The following ZNF804B variants were observed in gnomAD, a reference collection of about 807,000 sequenced individuals.
The protein encoded by ZNF804B is zinc finger 804B.
ZNF804B carries 80 observed loss-of-function variants against 101.4 expected under a neutral mutation model. That is an observed-to-expected ratio of 0.79 (90% confidence interval 0.66 to 0.95). The LOEUF (loss-of-function observed/expected upper bound fraction) is 0.95. Among genes scored for constraint, ZNF804B ranks in the 40% least tolerant of loss-of-function variants. The probability of loss-of-function intolerance (pLI) is 0.00; values close to 1 mark genes in which losing one functional copy is unlikely to be tolerated. For missense variants in ZNF804B, 1,673 were observed against 1,561.9 expected (o/e 1.07, Z -1.20); for synonymous variants, 622 against 558.8 (o/e 1.11, Z -1.59).
At chr7:88,802,142 C>G (rs1332419768) in intron 1 of ZNF804B, among the ~76,000 whole-genome samples, 1 of 152,104 alleles carries the variant, frequency 6.6e-6, no homozygotes, top group Non-Finnish European at 1.5e-5. Flanking sequence ...GCTCCTTGTT[C>G]TGCTTCACCT....
chr7:89,312,112 C>A (rs1201834661), intron 2 of ZNF804B, among the ~76,000 whole-genome samples: 2 of 152,112 alleles, frequency 1.3e-5, no homozygotes, highest in Admixed American at 6.6e-5. Flanking sequence ...CAACACCTTA[C>A]CATATGCCAC....
intron 1 of ZNF804B, among the ~76,000 whole-genome samples, chr7:89,078,648 T>G (rs995108149): frequency 6.6e-6 from 1 of 151,874 alleles, no homozygotes; most frequent in Non-Finnish European, 1.5e-5. Flanking sequence ...CGATTTTTTT[T>G]TTTTTTTGCA....
Position 89,315,722 on chromosome 7 carries a change from C to G in ZNF804B, c.250-11622C>G, listed in dbSNP as rs190463239. ...AAAGTATCTGAATAGACACATGGCT[C>G]TAAATACACACACACACAAACACAC... is the stretch of plus-strand genomic sequence containing the variant. On this transcript the variant is annotated intron_variant, in intron 2 of 3. Coordinates refer to ENST00000333190, the MANE Select transcript of ZNF804B (RefSeq NM_181646.5). Among the ~76,000 whole-genome samples, 7 of 151,854 alleles carry G rather than the reference C, an allele frequency of 4.6e-5. No homozygotes were observed. In the South Asian group the frequency reaches 8.3e-4, roughly 18 times the overall value.
intron 1 of ZNF804B, among the ~76,000 whole-genome samples, chr7:88,771,196 C>T (rs1484499728): frequency 1.3e-5 from 2 of 151,942 alleles, no homozygotes; most frequent in East Asian, 3.9e-4. Flanking sequence ...GTTTTTTACT[C>T]TTCTGCTTAC....
chr7:88,814,528 A>G (rs934608273), intron 1 of ZNF804B, among the ~76,000 whole-genome samples: 7 of 151,896 alleles, frequency 4.6e-5, no homozygotes, highest in African/African-American at 1.7e-4. Flanking sequence ...TTCTACTCAT[A>G]TACTCATAGA....
At chr7:88,773,569 C>T (rs1425631919) in intron 1 of ZNF804B, among the ~76,000 whole-genome samples, 1 of 152,100 alleles carries the variant, frequency 6.6e-6, no homozygotes, top group Non-Finnish European at 1.5e-5. Flanking sequence ...TGGGAAGTAA[C>T]ACTACTTGGA....
chr7:89,016,297 C>T lies in ZNF804B; in HGVS notation c.109-201858C>T, dbSNP rs1183447386. Reference sequence around the variant, plus strand: ...TCCCATTTTGTAGGTTGCCTGTTCACTCTGCTGGTAGTTTCTTTTGCTGTG... The same window carrying T: ...TCCCATTTTGTAGGTTGCCTGTTCATTCTGCTGGTAGTTTCTTTTGCTGTG... On this transcript the variant is annotated intron_variant, in intron 1 of 3. Transcript: ENST00000333190. Among the ~76,000 whole-genome samples, 5 of 152,068 alleles carry T rather than the reference C, an allele frequency of 3.3e-5. No individual in the cohort carries two copies. In the East Asian group the frequency reaches 5.8e-4, roughly 18 times the overall value.
At chr7:89,051,193 T>G (rs1789199495) in intron 1 of ZNF804B, among the ~76,000 whole-genome samples, 1 of 152,072 alleles carries the variant, frequency 6.6e-6, no homozygotes, top group Non-Finnish European at 1.5e-5. Flanking sequence ...TGTAGGTGTG[T>G]GTGCATGTAT....
At chr7:88,772,594 A>T (rs951139057) in intron 1 of ZNF804B, among the ~76,000 whole-genome samples, 1 of 152,224 alleles carries the variant, frequency 6.6e-6, no homozygotes, top group Admixed American at 6.5e-5. Context: ...GGAATACAAC[A>T]TGTGATCTGA....
chr7:88,930,584 C>A (rs1043705287), intron 1 of ZNF804B, among the ~76,000 whole-genome samples: 3 of 151,884 alleles, frequency 2.0e-5, no homozygotes, highest in African/African-American at 4.8e-5. Flanking sequence ...ATATATTGAA[C>A]TTTCATTACC....
At chr7:89,280,397 A>G (rs1374151724) in intron 2 of ZNF804B, among the ~76,000 whole-genome samples, 1 of 152,080 alleles carries the variant, frequency 6.6e-6, no homozygotes, top group African/African-American at 2.4e-5. Context: ...TAGGCAAGAA[A>G]TAACTAAAAT....
At chr7:88,885,176 C>T (rs903522928) in intron 1 of ZNF804B, among the ~76,000 whole-genome samples, 7 of 151,832 alleles carry the variant, frequency 4.6e-5, no homozygotes, top group African/African-American at 7.3e-5. Flanking sequence ...GATTCCATCA[C>T]CAAAGTGAAA....
chr7:88,770,895 A>G (rs1334101686), intron 1 of ZNF804B, among the ~76,000 whole-genome samples: 1 of 152,222 alleles, frequency 6.6e-6, no homozygotes, highest in East Asian at 1.9e-4. Flanking sequence ...TATGCAATGT[A>G]TATCACTTGC....
intron 2 of ZNF804B, among the ~76,000 whole-genome samples, chr7:89,323,011 C>T (rs750639644): frequency 3.3e-5 from 5 of 152,156 alleles, no homozygotes; most frequent in Non-Finnish European, 7.3e-5. Context: ...AGTAAGTAGA[C>T]TCTTTGGGAG....
At chr7:89,058,671 G>T (rs1298254122) in intron 1 of ZNF804B, among the ~76,000 whole-genome samples, 4 of 152,052 alleles carry the variant, frequency 2.6e-5, no homozygotes, top group African/African-American at 4.8e-5. Context: ...TTACCCCTCA[G>T]AAATGTGGCA....
intron 2 of ZNF804B, among the ~76,000 whole-genome samples, chr7:89,281,091 A>C (rs958256973): frequency 6.6e-6 from 1 of 152,186 alleles, no homozygotes; most frequent in Non-Finnish European, 1.5e-5. Flanking sequence ...GTCATATCAT[A>C]TATCCTGTTG....
chr7:89,095,836 A>G (rs755441022), intron 1 of ZNF804B, among the ~76,000 whole-genome samples: 5 of 152,140 alleles, frequency 3.3e-5, no homozygotes, highest in African/African-American at 1.2e-4. Flanking sequence ...GAACTTCTCT[A>G]TAGAACTCAT....
chr7:88,968,131 G>A (rs957359623), intron 1 of ZNF804B, among the ~76,000 whole-genome samples: 9 of 127,394 alleles, frequency 7.1e-5, no homozygotes, highest in Non-Finnish European at 9.8e-5. Flanking sequence ...TTAAGTCAAA[G>A]TTAACCGAAT....
intron 2 of ZNF804B, among the ~76,000 whole-genome samples, chr7:89,228,934 C>G (rs35753833): frequency 6.6e-6 from 1 of 152,040 alleles, no homozygotes; most frequent in African/African-American, 2.4e-5. Flanking sequence ...CAGCTAAGGC[C>G]GGGGGAGAAA....
Sources: gnomAD v4.1 joint callset for allele counts (sites outside exome capture counted in the v4.1 genomes callset) on GRCh38, gnomAD v4.1.1 for gene constraint, MANE v1.5 for transcripts, NCBI Gene and HGNC (gene_info 2026-07-23, HGNC 2026-07-21) for gene names.